The following TBC1D4 variants were observed in gnomAD, a reference collection of about 807,000 sequenced individuals.
TBC1D4 encodes the protein TBC1 domain family member 4, also known as TBC (Tre-2, BUB2, CDC16) domain-containing protein.
In TBC1D4, 121 loss-of-function variants were observed where a neutral mutation model predicts 142.5. The observed-to-expected ratio is 0.85, with a 90% confidence interval of 0.73 to 0.99. The LOEUF (loss-of-function observed/expected upper bound fraction) is 0.99, where lower values mean the gene tolerates loss of function less well. TBC1D4 is among the 50% of genes least tolerant of loss of function. TBC1D4 has a pLI of 0.00. For missense variants in TBC1D4, 1,475 were observed against 1,606.6 expected (o/e 0.92, Z 1.40); for synonymous variants, 630 against 628.2 (o/e 1.00, Z -0.04).
intron 2 of TBC1D4, 96 bp downstream of exon 2, chr13:75,361,930 C>T (rs907236716): frequency 1.5e-5 from 20 of 1,373,976 alleles, no homozygotes; most frequent in South Asian, 1.3e-4. Context: ...TTAGATTATT[C>T]GTTATATAGA....
At chr13:75,360,181 G>T (rs935526485) in intron 2 of TBC1D4, among the ~76,000 whole-genome samples, 10 of 152,166 alleles carry the variant, frequency 6.6e-5, no homozygotes, top group Non-Finnish European at 1.3e-4. Flanking sequence ...TCTAAAAATA[G>T]TAATTTTAAA....
chr13:75,308,402 C>A (rs915462666), intron 14 of TBC1D4, among the ~76,000 whole-genome samples: 3 of 152,130 alleles, frequency 2.0e-5, no homozygotes, highest in African/African-American at 4.8e-5. Context: ...GATGAATAAA[C>A]CTGAGTTTTG....
intron 3 of TBC1D4, among the ~76,000 whole-genome samples, chr13:75,356,750 C>T (rs1201324469): frequency 6.6e-6 from 1 of 152,180 alleles, no homozygotes; most frequent in African/African-American, 2.4e-5. Flanking sequence ...CAAGCAGCCA[C>T]ACTTAAAAGA....
intron 1 of TBC1D4, among the ~76,000 whole-genome samples, chr13:75,405,590 T>C (rs1885301417): frequency 6.6e-6 from 1 of 152,326 alleles, no homozygotes; most frequent in South Asian, 2.1e-4. Flanking sequence ...TTTTAAAGTC[T>C]AGGGTATGCA....
intron 1 of TBC1D4, among the ~76,000 whole-genome samples, chr13:75,467,645 CCT>C (rs1223311264): frequency 2.0e-5 from 3 of 152,090 alleles, no homozygotes; most frequent in Non-Finnish European, 4.4e-5. Flanking sequence ...AACTATGGCC[CCT>C]GTTAGGTTTT....
intron 1 of TBC1D4, among the ~76,000 whole-genome samples, chr13:75,472,718 C>A (rs769035352): frequency 1.1e-4 from 17 of 152,108 alleles, no homozygotes; most frequent in Non-Finnish European, 1.6e-4. Context: ...AGTTAGGCAA[C>A]AAGCATTGGG....
intron 1 of TBC1D4, among the ~76,000 whole-genome samples, chr13:75,437,822 T>C (rs886823626): frequency 2.0e-5 from 3 of 152,160 alleles, no homozygotes; most frequent in African/African-American, 4.8e-5. Flanking sequence ...CAGTGAGAAG[T>C]CACTGCTGTT....
In TBC1D4 at chr13:75,372,596, G is replaced by A. The variant is rs142483103; in HGVS notation, c.499-9989C>T. On this transcript the variant is annotated intron_variant, in intron 1 of 20. Transcript: ENST00000377636. Reference sequence around the variant, plus strand: ...TAAGGCTCATTTTTTGAAAAACATAGTTCAACACCACTTGTACTTGCTCCA... The same window carrying A: ...TAAGGCTCATTTTTTGAAAAACATAATTCAACACCACTTGTACTTGCTCCA... Among the ~76,000 whole-genome samples, 1,004 of 152,246 alleles carry A rather than the reference G, an allele frequency of 6.6e-3. 8 individuals are homozygous for A. Among genetic ancestry groups the A allele is most frequent in the African/African-American group, 0.022 (912 of 41,558 alleles).
chr13:75,451,029 C>G (rs1355250423), intron 1 of TBC1D4, among the ~76,000 whole-genome samples: 1 of 152,138 alleles, frequency 6.6e-6, no homozygotes, highest in Non-Finnish European at 1.5e-5. Context: ...CCTTCTATTT[C>G]CCCCAAAAGT....
chr13:75,308,026 G>A (rs560843846), intron 14 of TBC1D4, among the ~76,000 whole-genome samples: 121 of 152,114 alleles, frequency 8.0e-4, no homozygotes, highest in African/African-American at 2.9e-3. Flanking sequence ...AAATAATCAC[G>A]AGCATCTGCT....
At chr13:75,361,869 C>T (rs990386892) in intron 2 of TBC1D4, among the ~76,000 whole-genome samples, 157 bp downstream of exon 2, 3 of 152,158 alleles carry the variant, frequency 2.0e-5, no homozygotes, top group African/African-American at 4.8e-5. Context: ...CTTTCCTCTG[C>T]ACTCTTCCTC....
intron 1 of TBC1D4, among the ~76,000 whole-genome samples, chr13:75,471,758 A>C (rs1888410518): frequency 6.6e-6 from 1 of 151,782 alleles, no homozygotes; most frequent in South Asian, 2.1e-4. Context: ...AAAAGAAAGA[A>C]ACTAGACAAA....
chr13:75,428,025 G>A (rs1439625345), intron 1 of TBC1D4, among the ~76,000 whole-genome samples: 1 of 152,172 alleles, frequency 6.6e-6, no homozygotes, highest in Non-Finnish European at 1.5e-5. Flanking sequence ...ACATCAGGAA[G>A]CAAGCAAGCA....
chr13:75,481,527 C>T lies in TBC1D4; in HGVS notation c.241G>A (p.Glu81Lys). 1 of 1,606,890 alleles carries T rather than the reference C, an allele frequency of 6.2e-7. No individual in the cohort carries two copies. Among genetic ancestry groups the T allele is most frequent in the Non-Finnish European group, 8.5e-7 (1 of 1,176,728 alleles). The change falls in exon 1 of 21, where the codon GAG (glutamate) becomes AAG (lysine). Residue 81 changes from glutamate (E) to lysine (K), a missense_variant. Around this residue, in one of 2 missense-constraint regions of TBC1D4, gnomAD observed 1,227 missense variants for 1,267.7 expected, o/e 0.97. Transcript: ENST00000377636. ...GGCGCGCTGAGCACCAGGATCACCT[C>T]TCGGGCCGCCGGCGCCCCGCAGCCG... Reference protein sequence around the residue: ...AGGCGAPAAREVILVLSAPFL... With the variant: ...AGGCGAPAARKVILVLSAPFL...
chr13:75,363,771 G>C (rs1364380629), intron 1 of TBC1D4, among the ~76,000 whole-genome samples: 1 of 152,204 alleles, frequency 6.6e-6, no homozygotes, highest in East Asian at 1.9e-4. Flanking sequence ...ACCTGTCTCA[G>C]ATTTTCTGGT....
At chr13:75,469,864 T>C (rs1423756162) in intron 1 of TBC1D4, among the ~76,000 whole-genome samples, 2 of 152,212 alleles carry the variant, frequency 1.3e-5, no homozygotes, top group Non-Finnish European at 2.9e-5. Context: ...AGGATTCAAA[T>C]ATAATTCCCA....
At chr13:75,461,118 C>T (rs918492944) in intron 1 of TBC1D4, among the ~76,000 whole-genome samples, 1 of 152,164 alleles carries the variant, frequency 6.6e-6, no homozygotes, top group Non-Finnish European at 1.5e-5. Flanking sequence ...CCATCATTAT[C>T]ACTGAAGCCA....
chr13:75,328,908 T>C (rs1879504778), intron 8 of TBC1D4, among the ~76,000 whole-genome samples: 1 of 152,130 alleles, frequency 6.6e-6, no homozygotes, highest in Non-Finnish European at 1.5e-5. Flanking sequence ...TAATGAAAAG[T>C]GGTGGTCATC....
At chr13:75,421,577 T>C (rs1277424794) in intron 1 of TBC1D4, among the ~76,000 whole-genome samples, 1 of 152,194 alleles carries the variant, frequency 6.6e-6, no homozygotes, top group East Asian at 1.9e-4. Context: ...TAAGAACAAT[T>C]ATACTTCAAA....
Sources: gnomAD v4.1 joint callset for allele counts (sites outside exome capture counted in the v4.1 genomes callset) on GRCh38, gnomAD v4.1.1 for gene constraint, gnomAD v4.1.1 regional missense constraint, MANE v1.5 for transcripts, NCBI Gene and HGNC (gene_info 2026-07-23, HGNC 2026-07-21) for gene names.